The following TNS1 variants were observed in gnomAD, a reference collection of about 807,000 sequenced individuals.
The protein encoded by TNS1 is tensin-1.
TNS1 carries 62 observed loss-of-function variants against 168.6 expected under a neutral mutation model. That is an observed-to-expected ratio of 0.37 (90% CI 0.30 to 0.45). The LOEUF (loss-of-function observed/expected upper bound fraction) is 0.45. Ranked by LOEUF, TNS1 falls within the 20% of genes least tolerant of loss-of-function variation. TNS1 has a pLI of 1.00. For synonymous variants in TNS1, 934 were observed against 933.2 expected, an observed-to-expected ratio of 1.00 and a Z score of -0.02; for missense variants, 2,240 against 2,339.4, an observed-to-expected ratio of 0.96 and a Z score of 0.88.
At chr2:217,890,485 C>T (rs1388990673) in intron 12 of TNS1, 1 of 156,598 alleles carries the variant, frequency 6.4e-6, no homozygotes, top group African/African-American at 2.4e-5. Context: ...TATTGTGAGA[C>T]TCCAATGAGA....
chr2:217,927,955 G>GACCC (rs905579415), intron 3 of TNS1, among the ~76,000 whole-genome samples: 1 of 152,206 alleles, frequency 6.6e-6, no homozygotes, highest in African/African-American at 2.4e-5. Flanking sequence ...GAAGAAATAG[G>GACCC]CAGGTGACCC....
chr2:217,925,328 C>G (rs993784536), intron 3 of TNS1, among the ~76,000 whole-genome samples: 2 of 152,176 alleles, frequency 1.3e-5, no homozygotes, highest in African/African-American at 4.8e-5. Flanking sequence ...AGCACTGCCC[C>G]TCTCACCTCC....
At chr2:217,898,074 GC>G in intron 7 of TNS1, 105 bp from the exon 8 acceptor site, 1 of 1,306,088 alleles carries the variant, frequency 7.7e-7, no homozygotes, top group Non-Finnish European at 1.0e-6. Context: ...CCCATATGCA[GC>G]CCAGGGTGCT....
At chr2:218,015,148 T>C (rs1449655781), upstream of TNS1, among the ~76,000 whole-genome samples, 1 of 152,102 alleles carries the variant, frequency 6.6e-6, no homozygotes, top group African/African-American at 2.4e-5. Context: ...ATAGTACTGA[T>C]TCCGGTTAAA....
chr2:217,934,008 C>G (rs138380981), intron 3 of TNS1, among the ~76,000 whole-genome samples: 15 of 152,304 alleles, frequency 9.8e-5, no homozygotes, highest in African/African-American at 2.9e-4. Context: ...GTACTTCATA[C>G]AGATTATCCC....
intron 28 of TNS1, 82 bp downstream of exon 28, chr2:217,812,286 T>C: frequency 8.3e-7 from 1 of 1,201,076 alleles, no homozygotes; most frequent in Non-Finnish European, 1.2e-6. Flanking sequence ...CTGGCCCATG[T>C]CCGGAGTGGC....
intron 16 of TNS1, 90 bp from the exon 17 acceptor site, chr2:217,882,501 A>T (rs543024456): frequency 5.6e-6 from 4 of 715,094 alleles, no homozygotes; most frequent in Non-Finnish European, 9.6e-6. Flanking sequence ...TTAAAATACC[A>T]TATATGTACA....
At chr2:217,942,242 C>A (rs1244799718) in intron 3 of TNS1, among the ~76,000 whole-genome samples, 1 of 152,184 alleles carries the variant, frequency 6.6e-6, no homozygotes, top group Non-Finnish European at 1.5e-5. Flanking sequence ...ACCCTCAGCT[C>A]CTGGTTACAG....
Position 217,810,002 on chromosome 2 carries a change from C to A in TNS1, c.5105-11G>T. 6.2e-7 allele frequency: 1 copy of A among 1,608,312 alleles called. No homozygotes were observed. The highest frequency in any genetic ancestry group is 8.5e-7 in the Non-Finnish European group (1 of 1,175,674). ...AGAGCACATTGCAGGCTGGAAGAAA[C>A]CAACCCAAGGGGGAGTCATGGGAGC... On this transcript the variant is annotated splice_polypyrimidine_tract_variant and intron_variant, in intron 29 of 32. Transcript: ENST00000682258.
rs199644949 is a variant in TNS1 at position 217,885,175 on chromosome 2, A to G, written c.1117-11T>C. Reference sequence around the variant, plus strand: ...GTGGTAGCACTTCAGCTGGGTGGGAAGACGGGCAGAACCAGTCAGGGGCCT... The same window carrying G: ...GTGGTAGCACTTCAGCTGGGTGGGAGGACGGGCAGAACCAGTCAGGGGCCT... On this transcript the variant is annotated splice_polypyrimidine_tract_variant and intron_variant, in intron 15 of 32. Coordinates refer to ENST00000682258, the MANE Select transcript of TNS1 (RefSeq NM_001387777.1). 1,502 of 1,614,130 alleles carry G rather than the reference A, an allele frequency of 9.3e-4. 2 individuals carry two copies. Among genetic ancestry groups the G allele is most frequent in the Middle Eastern group, 4.3e-3 (26 of 6,062 alleles).
chr2:217,821,937 C>T lies in TNS1; in HGVS notation c.3375G>A (p.Glu1125=), dbSNP rs202166190. The T allele has an allele frequency of 8.1e-5, 128 of 1,582,446 alleles. No homozygotes were observed. In the African/African-American group the frequency reaches 1.1e-3, roughly 13 times the overall value. Residue 1125 remains glutamate (E), a splice_region_variant and synonymous_variant, in exon 23 of 33, where the codon GAG becomes GAA. Coordinates refer to ENST00000682258, the MANE Select transcript of TNS1 (RefSeq NM_001387777.1). ...PADILLHPTG[E]PRSYVESVAR... is the part of the protein sequence containing the mutation. Reference sequence around the variant, plus strand: ...CCACAGACTCCACATAGCTCCGGGGCTCTGGAAGGGGCAAGAGGACAGAGA... The same window carrying T: ...CCACAGACTCCACATAGCTCCGGGGTTCTGGAAGGGGCAAGAGGACAGAGA...
At chr2:217,994,593 TG>T (rs1958435351) in intron 1 of TNS1, among the ~76,000 whole-genome samples, 1 of 152,172 alleles carries the variant, frequency 6.6e-6, no homozygotes, top group African/African-American at 2.4e-5. Flanking sequence ...AAAGCACAGT[TG>T]GGGCAGCAGA....
chr2:217,907,704 T>A (rs1953876593), intron 4 of TNS1, among the ~76,000 whole-genome samples: 1 of 152,222 alleles, frequency 6.6e-6, no homozygotes, highest in African/African-American at 2.4e-5. Flanking sequence ...AACCCCATCT[T>A]GGGGCTCTAA....
intron 21 of TNS1, among the ~76,000 whole-genome samples, chr2:217,834,146 C>T (rs1944850854): frequency 6.6e-6 from 1 of 152,224 alleles, no homozygotes; most frequent in South Asian, 2.1e-4. Flanking sequence ...ACAGCTTCAG[C>T]CTCCTCATGC....
chr2:218,002,834 AC>A lies in TNS1; in HGVS notation c.33+5del. 2.2e-6 allele frequency: 1 copy of A among 456,740 alleles called. No individual in the cohort carries two copies. 28.3% of individuals were successfully genotyped at this position (456,740 alleles called of 1,614,324 possible). A position where few individuals can be genotyped will look rare whatever the true frequency, so the allele number is the denominator to read the frequency against. On this transcript the variant is annotated splice_donor_5th_base_variant and intron_variant, in intron 1 of 32. Transcript: ENST00000682258. Reference sequence around the variant, plus strand: ...GTAACGTCGCAGCTAAAGCAGCCAGACCTACCCAGAGCATGCAGGACAGACA... The same window carrying A: ...GTAACGTCGCAGCTAAAGCAGCCAGACTACCCAGAGCATGCAGGACAGACA...
intron 3 of TNS1, among the ~76,000 whole-genome samples, chr2:217,963,364 G>A (rs758660663): frequency 2.6e-4 from 40 of 152,222 alleles, no homozygotes; most frequent in Non-Finnish European, 5.4e-4. Context: ...CCATGCCACC[G>A]CCACCACACC....
intron 1 of TNS1, among the ~76,000 whole-genome samples, chr2:218,024,566 G>C (rs1958836178): frequency 6.6e-6 from 1 of 152,080 alleles, no homozygotes; most frequent in Non-Finnish European, 1.5e-5. Context: ...TCAGTGCCCA[G>C]AAATAGTCTC....
At chr2:218,002,586 G>C (rs112572374) in intron 1 of TNS1, among the ~76,000 whole-genome samples, 375 of 151,558 alleles carry the variant, frequency 2.5e-3, no homozygotes, top group Non-Finnish European at 4.1e-3. Flanking sequence ...GACTCCATTG[G>C]GGGGTGGGGG....
intron 28 of TNS1, 93 bp downstream of exon 28, chr2:217,812,275 C>T: frequency 9.8e-7 from 1 of 1,018,996 alleles, no homozygotes; most frequent in South Asian, 1.5e-5. Context: ...GTCCTCCAGC[C>T]CTGGCCCATG....
Sources: gnomAD v4.1 joint callset for allele counts (sites outside exome capture counted in the v4.1 genomes callset) on GRCh38, gnomAD v4.1.1 for gene constraint, MANE v1.5 for transcripts, NCBI Gene and HGNC (gene_info 2026-07-23, HGNC 2026-07-21) for gene names.